The following DYNC2H1 variants were observed in gnomAD, a reference collection of about 807,000 sequenced individuals.
DYNC2H1 encodes cytoplasmic dynein 2 heavy chain 1.
A neutral mutation model predicts 570.0 loss-of-function variants in DYNC2H1; 410 were observed. The observed-to-expected ratio is 0.72, with a 90% CI of 0.66 to 0.78. The LOEUF is 0.78. DYNC2H1 is among the 30% of genes least tolerant of loss of function. The probability of loss-of-function intolerance (pLI) is 0.00; values close to 1 mark genes in which losing one functional copy is unlikely to be tolerated. For missense variants in DYNC2H1, 4,865 were observed against 5,046.4 expected, an observed-to-expected ratio of 0.96 and a Z score of 1.09; for synonymous variants, 1,688 against 1,677.6, an observed-to-expected ratio of 1.01 and a Z score of -0.15.
At position 103,204,584 on chromosome 11, in the gene DYNC2H1, A is replaced by C. The variant is rs1161974388; in HGVS notation, c.8312-238A>C. On this transcript the variant is annotated intron_variant, in intron 51 of 88. Coordinates refer to ENST00000375735, the MANE Select transcript of DYNC2H1 (RefSeq NM_001377.3). The surrounding 1 kb of genome is among the most constrained non-coding windows in gnomAD (Gnocchi z 4.1). ...ATGAGGCAATAATCACACCACCCAG[A>C]CATTATGACACTTACATTTTTCATG... Among the ~76,000 whole-genome samples, 2 of 152,148 alleles carry C rather than the reference A, an allele frequency of 1.3e-5. No individual in the cohort carries two copies. Among genetic ancestry groups the C allele is most frequent in the Non-Finnish European group, 2.9e-5 (2 of 68,012 alleles).
intron 63 of DYNC2H1, among the ~76,000 whole-genome samples, chr11:103,240,310 C>T (rs1164096424): frequency 6.6e-6 from 1 of 152,080 alleles, no homozygotes; most frequent in Admixed American, 6.6e-5. Flanking sequence ...CCCTCTGCAC[C>T]ATAGATAATA....
chr11:103,373,498 T>C (rs1005251587), intron 83 of DYNC2H1, among the ~76,000 whole-genome samples: 7 of 152,252 alleles, frequency 4.6e-5, no homozygotes, highest in African/African-American at 1.7e-4. Context: ...CATGTATTTT[T>C]ACAATTTCCC....
At chr11:103,176,558 G>T in intron 37 of DYNC2H1, 124 bp downstream of exon 37, 1 of 742,266 alleles carries the variant, frequency 1.3e-6, no homozygotes, top group Non-Finnish European at 1.9e-6. Flanking sequence ...ACTTGCTCAG[G>T]GAAGTCTTCC....
At chr11:103,242,962 A>G (rs547814683) in intron 63 of DYNC2H1, among the ~76,000 whole-genome samples, 18 of 152,088 alleles carry the variant, frequency 1.2e-4, no homozygotes, top group Admixed American at 1.0e-3. Flanking sequence ...TTCATGATCT[A>G]TCCACCTCAG....
At position 103,181,307 on chromosome 11, in the gene DYNC2H1, G is replaced by C. The variant is rs1202958979; in HGVS notation, c.6348-450G>C. ...TCTAATGTGCATTTGAATCATCAAG[G>C]GGTCTTATTAAAATGAAGATTTTTG... On this transcript the variant is annotated intron_variant, in intron 39 of 88. Coordinates refer to ENST00000375735, the MANE Select transcript of DYNC2H1 (RefSeq NM_001377.3). The surrounding 1 kb of genome is among the most constrained non-coding windows in gnomAD (Gnocchi z 5.0). Among the ~76,000 whole-genome samples the C allele has an allele frequency of 6.6e-6, 1 of 151,454 alleles. No individual in the cohort carries two copies. The highest frequency in any genetic ancestry group is 1.5e-5 in the Non-Finnish European group (1 of 67,628).
rs1591578553 is a variant in DYNC2H1 at position 103,323,915 on chromosome 11, A to G, written c.11964A>G (p.Pro3988=). ...LDYRAVIEKI[P]EDDKPSFFGL... ...ATCGTGCTGTCATTGAGAAAATTCC[A>G]GAGGACGACAAACCTAGTTTCTTTG... The change falls in exon 82 of 89, where the codon CCA becomes CCG. Residue 3988 remains proline (P), a synonymous_variant. Coordinates refer to ENST00000375735, the MANE Select transcript of DYNC2H1 (RefSeq NM_001377.3). The G allele has an allele frequency of 6.2e-7, 1 of 1,612,508 alleles. No homozygotes were observed. The highest frequency in any genetic ancestry group is 8.5e-7 in the Non-Finnish European group (1 of 1,178,998).
At position 103,156,280 on chromosome 11, in the gene DYNC2H1, A is replaced by G. The variant is rs1038187110; in HGVS notation, c.3745-108A>G. On this transcript the variant is annotated intron_variant, in intron 25 of 88. Transcript: ENST00000375735. ...CACTTAACTTTTTTTTTTTTGCCTT[A>G]TGGTGAAAAGCCAGATAAAATATAT... 5.3e-6 allele frequency: 6 copies of G among 1,123,854 alleles called. No homozygotes were observed. The East Asian group carries it at 1.6e-4, about 31-fold the overall frequency. The allele number at this position is 1,123,854 out of a possible 1,614,324, so 69.6% of individuals were successfully genotyped here. A position where few individuals can be genotyped will look rare whatever the true frequency, so the allele number is the denominator to read the frequency against.
At chr11:103,180,233 A>G (rs1861793577) in intron 39 of DYNC2H1, among the ~76,000 whole-genome samples, 1 of 151,662 alleles carries the variant, frequency 6.6e-6, no homozygotes, top group African/African-American at 2.4e-5. Flanking sequence ...GTTTTTAGTT[A>G]AATTTTAAAG....
intron 83 of DYNC2H1, among the ~76,000 whole-genome samples, chr11:103,388,695 G>C (rs893963929): frequency 1.8e-5 from 2 of 110,232 alleles, no homozygotes; most frequent in African/African-American, 6.4e-5. Context: ...AATTTATTGA[G>C]AGTTTTTAGC....
intron 13 of DYNC2H1, among the ~76,000 whole-genome samples, chr11:103,132,082 T>C (rs957236201): frequency 5.3e-5 from 8 of 152,142 alleles, no homozygotes; most frequent in Non-Finnish European, 2.9e-5. Context: ...TATACACATA[T>C]AATGCTTAGG....
intron 54 of DYNC2H1, among the ~76,000 whole-genome samples, chr11:103,215,003 A>G (rs997515409): frequency 2.6e-5 from 4 of 151,826 alleles, no homozygotes; most frequent in Non-Finnish European, 5.9e-5. Flanking sequence ...TTGATTTTGT[A>G]TCCTGCAGCT....
At chr11:103,434,115 A>G (rs1248015725) in intron 84 of DYNC2H1, among the ~76,000 whole-genome samples, 2 of 152,076 alleles carry the variant, frequency 1.3e-5, no homozygotes, top group Non-Finnish European at 2.9e-5. Context: ...TCATGTTTGC[A>G]GCTGAGTGGT....
At chr11:103,387,188 A>G (rs866083723) in intron 83 of DYNC2H1, among the ~76,000 whole-genome samples, 1 of 151,966 alleles carries the variant, frequency 6.6e-6, no homozygotes, top group African/African-American at 2.4e-5. Flanking sequence ...TTAATGATTG[A>G]CATTCTAACT....
intron 70 of DYNC2H1, among the ~76,000 whole-genome samples, chr11:103,266,415 G>A (rs1482126223): frequency 2.0e-5 from 3 of 152,056 alleles, no homozygotes; most frequent in East Asian, 1.9e-4. Context: ...CTGCAAGCAG[G>A]AGCGGTCACT....
rs1449078539 is a variant in DYNC2H1 at position 103,479,816 on chromosome 11, T to C, written c.*563T>C. 1.3e-5 allele frequency: 2 copies of C among 152,186 alleles called. No individual in the cohort carries two copies. Among genetic ancestry groups the C allele is most frequent in the Non-Finnish European group, 2.9e-5 (2 of 67,996 alleles). The allele number at this position is 152,186 out of a possible 1,614,324, so 9.4% of individuals were successfully genotyped here. A position where few individuals can be genotyped will look rare whatever the true frequency, so the allele number is the denominator to read the frequency against. On this transcript the variant is annotated 3_prime_UTR_variant, in exon 89 of 89. Coordinates refer to ENST00000375735, the MANE Select transcript of DYNC2H1 (RefSeq NM_001377.3). ...TCAAATAGGAATAATTCAGGTGACA[T>C]AATAATGGAGGATAAATTCTGGTTA... is the stretch of plus-strand genomic sequence containing the variant.
rs1939029719 is a variant in DYNC2H1, at chr11:103,334,829, A to G, written c.12039+10839A>G. On this transcript the variant is annotated intron_variant, in intron 82 of 88. Coordinates refer to ENST00000375735, the MANE Select transcript of DYNC2H1 (RefSeq NM_001377.3). This position sits in a 1 kb window ranked among gnomAD's most constrained non-coding sequence, Gnocchi z 4.3. ...CTACAGTATGATAGTTTTGCAGAAT[A>G]CAAAGATTGCTGTGGAGTAATCTTT... is the stretch of plus-strand genomic sequence containing the variant. 1.3e-5 allele frequency among the ~76,000 whole-genome samples: 2 copies of G among 152,142 alleles called. No individual in the cohort carries two copies. Among genetic ancestry groups the G allele is most frequent in the South Asian group, 4.1e-4 (2 of 4,832 alleles).
At chr11:103,366,070 T>C (rs1444261233) in intron 83 of DYNC2H1, among the ~76,000 whole-genome samples, 1 of 152,212 alleles carries the variant, frequency 6.6e-6, no homozygotes, top group Non-Finnish European at 1.5e-5. Context: ...CCAAGGATAA[T>C]TGAATAGCTA....
chr11:103,378,384 A>G (rs1337469803), intron 83 of DYNC2H1, among the ~76,000 whole-genome samples: 1 of 152,148 alleles, frequency 6.6e-6, no homozygotes, highest in Non-Finnish European at 1.5e-5. Context: ...CTTTGCTCTG[A>G]TTAAGAAAAG....
In DYNC2H1 at chr11:103,357,235, GA is replaced by G. The variant is rs201810989; in HGVS notation, c.12040-1000del. ...ATGGGAATCATTAAGTATTATTTTA[GA>G]AAAAAAAGTGAGTGAATTGGTTTTG... is the stretch of plus-strand genomic sequence containing the variant. On this transcript the variant is annotated intron_variant, in intron 82 of 88. Transcript: ENST00000375735. Among the ~76,000 whole-genome samples, 585 of 151,564 alleles carry G rather than the reference GA, an allele frequency of 3.9e-3. 5 individuals carry two copies. Among genetic ancestry groups the G allele is most frequent in the African/African-American group, 0.014 (560 of 41,396 alleles).
Sources: gnomAD v4.1 joint callset for allele counts (sites outside exome capture counted in the v4.1 genomes callset) on GRCh38, gnomAD v4.1.1 for gene constraint, Gnocchi (gnomAD v3.1) non-coding constraint, MANE v1.5 for transcripts, NCBI Gene and HGNC (gene_info 2026-07-23, HGNC 2026-07-21) for gene names.